The following ABCC10 variants were observed in gnomAD, a reference collection of about 807,000 sequenced individuals.
ABCC10 encodes ATP binding cassette subfamily C member 10.
In ABCC10, 110 loss-of-function variants were observed where a neutral mutation model predicts 143.2. That is an observed-to-expected ratio of 0.77 (90% CI 0.66 to 0.90). The LOEUF is 0.90. Among genes scored for constraint, ABCC10 ranks in the 40% least tolerant of loss-of-function variants. The pLI, the probability that ABCC10 is intolerant of heterozygous loss-of-function variation, is 0.00. For synonymous variants in ABCC10, 805 were observed against 846.7 expected (o/e 0.95, Z 0.85); for missense variants, 1,700 against 1,900.5 (o/e 0.89, Z 1.96).
chr6:43,434,140 C>G (rs1054914510), intron 3 of ABCC10, among the ~76,000 whole-genome samples: 2 of 152,244 alleles, frequency 1.3e-5, no homozygotes, highest in Non-Finnish European at 2.9e-5. Flanking sequence ...CCTGTTTGAC[C>G]CTGGGCTGTA....
Position 43,443,040 on chromosome 6 carries a change from A to G in ABCC10, c.2297A>G (p.His766Arg). 1 of 1,613,178 alleles carries G rather than the reference A, an allele frequency of 6.2e-7. No homozygotes were observed. The highest frequency in any genetic ancestry group is 8.5e-7 in the Non-Finnish European group (1 of 1,179,830). The change falls in exon 10 of 22, where the codon CAC becomes CGC. Residue 766 changes from histidine (H) to arginine (R), a missense_variant. Transcript: ENST00000372530. The surrounding 1 kb of genome is among the most constrained non-coding windows in gnomAD (Gnocchi z 4.2). ...VDADVANHLL[H>R]RCILGMLSYT... ...GCAGATGTGGCCAACCACCTGCTGCACAGGTGCATCCTGGGCATGCTGAGC... is the reference window on the plus strand; with the variant it reads ...GCAGATGTGGCCAACCACCTGCTGCGCAGGTGCATCCTGGGCATGCTGAGC...
Position 43,432,193 on chromosome 6 carries a change from A to C in ABCC10, c.213A>C (p.Ala71=). 1.2e-6 allele frequency: 2 copies of C among 1,614,188 alleles called. No individual in the cohort carries two copies. The highest frequency in any genetic ancestry group is 1.7e-6 in the Non-Finnish European group (2 of 1,180,026). Residue 71 remains alanine (A), a synonymous_variant, in exon 3 of 22, where the codon GCA becomes GCC. Coordinates refer to ENST00000372530, the MANE Select transcript of ABCC10 (RefSeq NM_001198934.2). ...GTCCTGGATGGCGCCTCCGACTTGC[A>C]GCTTCCTTCCTGCTTTCCGTCTTCC... ...PCSPGWRLRL[A]ASFLLSVFPL... is the part of the protein sequence containing the mutation.
Position 43,432,430 on chromosome 6 carries a change from C to A in ABCC10, c.450C>A (p.Thr150=), listed in dbSNP as rs374975516. The change falls in exon 3 of 22, where the codon ACC becomes ACA. Residue 150 remains threonine, a synonymous_variant. Coordinates refer to ENST00000372530, the MANE Select transcript of ABCC10 (RefSeq NM_001198934.2). ...TGCCAGCTCCAGCCCTAGTGCTGAC[C>A]GTGTTGTGGCATTGCCAGCGAGGCA... ...ALLPAPALVL[T]VLWHCQRGTL... 3.7e-6 allele frequency: 6 copies of A among 1,611,904 alleles called. No homozygotes were observed. The highest frequency in any genetic ancestry group is 4.5e-5 in the East Asian group (2 of 44,878).
chr6:43,447,309 G>T lies in ABCC10; in HGVS notation c.3606G>T (p.Val1202=). ...LSLTGLLSGL[V]SSFTQTEAML... ...TGACGGGCCTGCTCTCGGGCCTGGT[G>T]AGCAGCTTCACACAGACAGAGGCCA... Residue 1202 remains valine (V), a synonymous_variant, in exon 17 of 22, where the codon GTG becomes GTT. Coordinates refer to ENST00000372530, the MANE Select transcript of ABCC10 (RefSeq NM_001198934.2). 6.2e-7 allele frequency: 1 copy of T among 1,613,706 alleles called. No homozygotes were observed. The highest frequency in any genetic ancestry group is 8.5e-7 in the Non-Finnish European group (1 of 1,180,014).
At position 43,442,957 on chromosome 6, in the gene ABCC10, C is replaced by CACG. The variant is rs1782638563; in HGVS notation, c.2227-12_2227-10dup. The CACG allele has an allele frequency of 1.9e-6, 3 of 1,564,294 alleles. No individual in the cohort carries two copies. Among genetic ancestry groups the CACG allele is most frequent in the Non-Finnish European group, 2.6e-6 (3 of 1,154,858 alleles). ...TGGGTCCTGGTGCCCACGGTACCCT[C>CACG]ACGTCTCCATAGGAAAAGGAGCTCT... On this transcript the variant is annotated splice_polypyrimidine_tract_variant and intron_variant, in intron 9 of 21. Coordinates refer to ENST00000372530, the MANE Select transcript of ABCC10 (RefSeq NM_001198934.2).
intron 8 of ABCC10, among the ~76,000 whole-genome samples, chr6:43,441,469 C>T (rs1236601708): frequency 6.6e-6 from 1 of 150,534 alleles, no homozygotes; most frequent in African/African-American, 2.5e-5. Flanking sequence ...AGCGAGACTC[C>T]GTCTCAAAAA....
rs146716505 is a variant in ABCC10, at chr6:43,441,880, C to A, written c.2146C>A (p.Gln716Lys). 3 of 1,613,450 alleles carry A rather than the reference C, an allele frequency of 1.9e-6. No individual in the cohort carries two copies. The East Asian group carries it at 6.7e-5, about 36-fold the overall frequency. Residue 716 changes from glutamine (Q) to lysine (K), a missense_variant, in exon 9 of 22, where the codon CAG (glutamine) becomes AAG (lysine). By Grantham distance (53) the Gln-to-Lys change is moderately conservative. Coordinates refer to ENST00000372530, the MANE Select transcript of ABCC10 (RefSeq NM_001198934.2). ...DDLSILPAGD[Q>K]TEVGEKGVTL... ...CCATCAGATCCTGCCTGCTGGAGAC[C>A]AGACAGAGGTGGGGGAGAAGGGTGT... is the stretch of plus-strand genomic sequence containing the variant.
At chr6:43,435,933 C>T (rs2127389818) in intron 5 of ABCC10, 26 bp downstream of exon 5, 1 of 1,613,456 alleles carries the variant, frequency 6.2e-7, no homozygotes. Flanking sequence ...TGGGCAGAAC[C>T]TGGCACAGGG....
rs1332067948 is a variant in ABCC10 at position 43,443,167 on chromosome 6, G to T, written c.2416+8G>T. On this transcript the variant is annotated splice_region_variant and intron_variant, in intron 10 of 21. Coordinates refer to ENST00000372530, the MANE Select transcript of ABCC10 (RefSeq NM_001198934.2). This position sits in a 1 kb window ranked among gnomAD's most constrained non-coding sequence, Gnocchi z 4.2. ...GGCGCCTCATCCGGGCTGGTAATGG[G>T]GGCAGGAGCCCCGTGTGAGGGAGGT... 6.3e-7 allele frequency: 1 copy of T among 1,584,198 alleles called. No homozygotes were observed. Among genetic ancestry groups the T allele is most frequent in the East Asian group, 2.2e-5 (1 of 44,602 alleles).
rs548540116 is a variant in ABCC10 at position 43,447,064 on chromosome 6, T to G, written c.3545-184T>G. The G allele has an allele frequency of 2.3e-3, 1,961 of 863,068 alleles. 5 individuals carry two copies. The highest frequency in any genetic ancestry group is 3.0e-3 in the Non-Finnish European group (1,765 of 586,594). 53.5% of individuals were successfully genotyped at this position (863,068 alleles called of 1,614,324 possible). A position where few individuals can be genotyped will look rare whatever the true frequency, so the allele number is the denominator to read the frequency against. ...GGTTTCACCATGTTGGCCAGGCTGG[T>G]CTCAAACTCCTGACCTCGTGATCCA... On this transcript the variant is annotated intron_variant, in intron 16 of 21. Transcript: ENST00000372530.
Position 43,445,261 on chromosome 6 carries a change from A to T in ABCC10, c.2977A>T (p.Thr993Ser). 2 of 1,611,606 alleles carry T rather than the reference A, an allele frequency of 1.2e-6. No homozygotes were observed. The highest frequency in any genetic ancestry group is 1.7e-6 in the Non-Finnish European group (2 of 1,179,154). The change falls in exon 14 of 22, where the codon ACC (threonine) becomes TCC (serine). Residue 993 changes from threonine (T) to serine (S), a missense_variant. Transcript: ENST00000372530. ...LLRAVLFAAG[T>S]LQAAATLHRR... ...CCGGGCAGTGCTCTTTGCAGCAGGC[A>T]CCCTTCAAGCAGCTGCCACTCTGCA...
chr6:43,439,973 G>GT, intron 8 of ABCC10, among the ~76,000 whole-genome samples: 1 of 151,164 alleles, frequency 6.6e-6, no homozygotes, highest in Admixed American at 6.6e-5. Flanking sequence ...TTTCGTGTGT[G>GT]TGAGACAGAG....
chr6:43,428,147 G>C lies in ABCC10; in HGVS notation c.161+8G>C, dbSNP rs1173890599. 2 of 1,522,846 alleles carry C rather than the reference G, an allele frequency of 1.3e-6. No homozygotes were observed. The highest frequency in any genetic ancestry group is 1.8e-6 in the Non-Finnish European group (2 of 1,136,016). 94.3% of individuals were successfully genotyped at this position (1,522,846 alleles called of 1,614,324 possible). On this transcript the variant is annotated splice_region_variant and intron_variant, in intron 2 of 21. Transcript: ENST00000372530. ...TTACTTGGGCACCCCGAGGTGGGTA[G>C]AGACGGGCGCAAGGCATCTGTCCAT... is the stretch of plus-strand genomic sequence containing the variant.
chr6:43,449,823 G>T, intron 21 of ABCC10, 106 bp from the exon 22 acceptor site: 1 of 1,348,638 alleles, frequency 7.4e-7, no homozygotes, highest in Non-Finnish European at 1.0e-6. Context: ...AAAGCCTGTG[G>T]GGACAGACCT....
rs1161017720 is a variant in ABCC10, at chr6:43,444,187, G to A, written c.2523G>A (p.Glu841=). The change falls in exon 12 of 22, where the codon GAG becomes GAA. Residue 841 remains glutamate, a synonymous_variant. Coordinates refer to ENST00000372530, the MANE Select transcript of ABCC10 (RefSeq NM_001198934.2). Reference sequence around the variant, plus strand: ...CAGCCCAGTCAGTACAGAACCCAGAGAAAACAAAGGAGGGGCTGGAGGAGG... The same window carrying A: ...CAGCCCAGTCAGTACAGAACCCAGAAAAAACAAAGGAGGGGCTGGAGGAGG... ...SATAQSVQNP[E]KTKEGLEEEQ... is the part of the protein sequence containing the mutation. The A allele has an allele frequency of 2.5e-6, 4 of 1,613,860 alleles. No individual in the cohort carries two copies. In the South Asian group the frequency reaches 4.4e-5, roughly 18 times the overall value.
At chr6:43,442,058 C>A in intron 9 of ABCC10, 98 bp downstream of exon 9, 1 of 1,018,354 alleles carries the variant, frequency 9.8e-7, no homozygotes, top group Non-Finnish European at 1.5e-6. Context: ...TTTTCCTTAG[C>A]ATCTGGTTCC....
Position 43,449,110 on chromosome 6 carries a change from G to A in ABCC10, c.4109G>A (p.Gly1370Asp). The change falls in exon 20 of 22, where the codon GGT (glycine) becomes GAT (aspartate). Residue 1370 changes from glycine (G) to aspartate (D), a missense_variant. Coordinates refer to ENST00000372530, the MANE Select transcript of ABCC10 (RefSeq NM_001198934.2). ...HLSEVITSMG[G>D]LDGELGEGGR... The stretch of plus-strand genomic sequence containing the variant: ...AACGAAGATGCTTTCCTTGCAGGTG[G>A]TCTGGATGGTGAGCTGGGTGAGGGG... The A allele has an allele frequency of 6.2e-7, 1 of 1,614,198 alleles. No individual in the cohort carries two copies.
rs1562168144 is a variant in ABCC10, at chr6:43,432,269, CCCATAG to C, written c.290_295del (p.Pro97_Gly99delinsArg). 1 of 1,614,232 alleles carries C rather than the reference CCCATAG, an allele frequency of 6.2e-7. No homozygotes were observed. Among genetic ancestry groups the C allele is most frequent in the East Asian group, 2.2e-5 (1 of 44,882 alleles). ...TTTGCCACCAGGGGCAGGCCCAGGACCCATAGGGCTAGAGGTGTTGGCAGGGTGCGT... is the reference window on the plus strand; with the variant it reads ...TTTGCCACCAGGGGCAGGCCCAGGACGGCTAGAGGTGTTGGCAGGGTGCGT... On this transcript the variant is annotated inframe_deletion, in exon 3 of 22. Transcript: ENST00000372530.
intron 7 of ABCC10, chr6:43,438,371 CACTGA>C: frequency 7.1e-7 from 1 of 1,418,232 alleles, no homozygotes; most frequent in Non-Finnish European, 9.2e-7. Context: ...CCATACTCTC[CACTGA>C]GCTCCTGAAC....
Sources: gnomAD v4.1 joint callset for allele counts (sites outside exome capture counted in the v4.1 genomes callset) on GRCh38, gnomAD v4.1.1 for gene constraint, Gnocchi (gnomAD v3.1) non-coding constraint, MANE v1.5 for transcripts, NCBI Gene and HGNC (gene_info 2026-07-23, HGNC 2026-07-21) for gene names.